Variants in MYO5B observed in about 807,000 individuals in gnomAD.
The protein encoded by MYO5B is myosin VB.
MYO5B carries 143 observed loss-of-function variants against 229.3 expected under a neutral mutation model. The observed-to-expected ratio is 0.62, with a 90% confidence interval of 0.54 to 0.72. The LOEUF (loss-of-function observed/expected upper bound fraction) is 0.72, where lower values mean the gene tolerates loss of function less well. MYO5B is among the 30% of genes least tolerant of loss of function. The pLI, the probability that MYO5B is intolerant of heterozygous loss-of-function variation, is 0.00. For synonymous variants in MYO5B, 918 were observed against 885.2 expected (o/e 1.04, Z -0.66); for missense variants, 2,321 against 2,331.0 (o/e 1.00, Z 0.09).
At chr18:49,973,522 G>A (rs17801555) in intron 10 of MYO5B, among the ~76,000 whole-genome samples, 9,099 of 152,274 alleles carry the variant, frequency 0.06, 424 homozygotes, top group East Asian at 0.21. Context: ...AGATCCAGGA[G>A]GATTTAGTCT....
chr18:49,948,310 T>C (rs995046555), intron 14 of MYO5B, among the ~76,000 whole-genome samples: 3 of 152,210 alleles, frequency 2.0e-5, no homozygotes, highest in Non-Finnish European at 4.4e-5. Flanking sequence ...TTTACATGAC[T>C]AATGGTACCC....
intron 1 of MYO5B, among the ~76,000 whole-genome samples, chr18:50,115,594 T>A (rs2031947984): frequency 6.6e-6 from 1 of 151,034 alleles, no homozygotes; most frequent in African/African-American, 2.4e-5. Context: ...AAACTGTCCC[T>A]ATCCTCAGAG....
At chr18:49,958,509 C>A (rs895579195) in intron 12 of MYO5B, among the ~76,000 whole-genome samples, 23 of 152,178 alleles carry the variant, frequency 1.5e-4, no homozygotes, top group African/African-American at 5.3e-4. Context: ...TGCAGAAACT[C>A]ATCTGCACCC....
chr18:50,105,252 A>T (rs192602054), intron 1 of MYO5B, among the ~76,000 whole-genome samples: 85 of 130,556 alleles, frequency 6.5e-4, no homozygotes, highest in African/African-American at 2.5e-3. Flanking sequence ...AATAAATAAA[A>T]AATAGATAAA....
At chr18:49,982,216 T>G (rs1228012794) in intron 8 of MYO5B, among the ~76,000 whole-genome samples, 1 of 152,154 alleles carries the variant, frequency 6.6e-6, no homozygotes, top group African/African-American at 2.4e-5. Context: ...GACAGGTGTG[T>G]GCCAACATGG....
intron 1 of MYO5B, among the ~76,000 whole-genome samples, chr18:50,078,133 C>T (rs981025060): frequency 2.0e-5 from 3 of 152,154 alleles, no homozygotes; most frequent in Non-Finnish European, 4.4e-5. Flanking sequence ...CACATAAAGC[C>T]TATAGCAGAG....
chr18:50,146,972 C>T (rs1242827544), intron 1 of MYO5B, among the ~76,000 whole-genome samples: 1 of 152,172 alleles, frequency 6.6e-6, no homozygotes, highest in African/African-American at 2.4e-5. Context: ...CAATCGCCCA[C>T]ATAAATTCTT....
intron 2 of MYO5B, among the ~76,000 whole-genome samples, chr18:50,052,450 C>T (rs1040659064): frequency 6.7e-6 from 1 of 148,562 alleles, no homozygotes; most frequent in African/African-American, 2.5e-5. Context: ...TAAACTATCA[C>T]AAGGACAAAA....
At position 49,864,016 on chromosome 18, in the gene MYO5B, C is replaced by T. The variant is rs949850224; in HGVS notation, c.3843+125G>A. The T allele has an allele frequency of 4.9e-6, 7 of 1,431,224 alleles. No homozygotes were observed. The Admixed American group carries it at 1.3e-4, about 27-fold the overall frequency. 88.7% of individuals were successfully genotyped at this position (1,431,224 alleles called of 1,614,324 possible). On this transcript the variant is annotated intron_variant, in intron 28 of 39. Coordinates refer to ENST00000285039, the MANE Select transcript of MYO5B (RefSeq NM_001080467.3). Reference sequence around the variant, plus strand: ...TTTGCTCTGCCTTTTTGGAGGAGACCCCACAGCGAGAGACTCTGCTCTTTC... The same window carrying T: ...TTTGCTCTGCCTTTTTGGAGGAGACTCCACAGCGAGAGACTCTGCTCTTTC...
At chr18:50,175,764 T>C (rs1462910131) in intron 1 of MYO5B, among the ~76,000 whole-genome samples, 2 of 152,246 alleles carry the variant, frequency 1.3e-5, no homozygotes, top group East Asian at 3.9e-4. Context: ...GCATCCTTGC[T>C]GGAAAGCACA....
At chr18:50,082,998 G>A (rs573175441) in intron 1 of MYO5B, among the ~76,000 whole-genome samples, 4 of 152,318 alleles carry the variant, frequency 2.6e-5, no homozygotes, top group African/African-American at 7.2e-5. Flanking sequence ...CCCACTGCCA[G>A]TGCCAAGTCT....
chr18:50,123,352 T>A (rs1026294538), intron 1 of MYO5B, among the ~76,000 whole-genome samples: 1 of 152,144 alleles, frequency 6.6e-6, no homozygotes, highest in Non-Finnish European at 1.5e-5. Context: ...GAGGGAGTGT[T>A]TGCACAACAT....
intron 1 of MYO5B, among the ~76,000 whole-genome samples, chr18:50,087,021 C>T (rs2031345009): frequency 6.6e-6 from 1 of 152,192 alleles, no homozygotes; most frequent in African/African-American, 2.4e-5. Context: ...ACAATAATAG[C>T]ACACCTGAAA....
intron 1 of MYO5B, among the ~76,000 whole-genome samples, chr18:50,137,672 A>G (rs982542101): frequency 2.0e-5 from 3 of 152,206 alleles, no homozygotes; most frequent in African/African-American, 7.2e-5. Flanking sequence ...CCATAAAGAC[A>G]CATGTACACC....
intron 1 of MYO5B, among the ~76,000 whole-genome samples, chr18:50,186,692 C>CA (rs2033154183): frequency 6.6e-6 from 1 of 152,162 alleles, no homozygotes; most frequent in African/African-American, 2.4e-5. Context: ...GAACAGTTGC[C>CA]AACACTATGT....
At chr18:49,902,100 C>A (rs973235764) in intron 21 of MYO5B, among the ~76,000 whole-genome samples, 2 of 152,206 alleles carry the variant, frequency 1.3e-5, no homozygotes, top group East Asian at 3.9e-4. Flanking sequence ...TAGCATAAAT[C>A]ATTATCTTAC....
At position 49,902,730 on chromosome 18, in the gene MYO5B, C is replaced by G; in HGVS notation, c.2675G>C (p.Cys892Ser). 6.2e-7 allele frequency: 1 copy of G among 1,610,162 alleles called. No homozygotes were observed. Among genetic ancestry groups the G allele is most frequent in the South Asian group, 1.1e-5 (1 of 91,088 alleles). The change falls in exon 21 of 40, where the codon TGT becomes TCT. Residue 892 changes from cysteine (C) to serine (S), a missense_variant. Coordinates refer to ENST00000285039, the MANE Select transcript of MYO5B (RefSeq NM_001080467.3). ...CCTGGCCTTGAGCATCCGGAAGGCA[C>G]ACTGGATGACAATGGCTGCATCCCG... Reference protein sequence around the residue: ...RLRDAAIVIQCAFRMLKARRE... With the variant: ...RLRDAAIVIQSAFRMLKARRE...
At chr18:50,140,191 C>G (rs190942648) in intron 1 of MYO5B, among the ~76,000 whole-genome samples, 3 of 152,310 alleles carry the variant, frequency 2.0e-5, no homozygotes, top group African/African-American at 7.2e-5. Context: ...GTTCTAGATA[C>G]CACATCTAAA....
intron 2 of MYO5B, 43 bp downstream of exon 2, chr18:50,055,225 G>GGGGC: frequency 1.4e-6 from 1 of 700,372 alleles, no homozygotes. Flanking sequence ...TGAGCTCCCT[G>GGGGC]CCCCACCTCA....
Sources: gnomAD v4.1 joint callset for allele counts (sites outside exome capture counted in the v4.1 genomes callset) on GRCh38, gnomAD v4.1.1 for gene constraint, MANE v1.5 for transcripts, NCBI Gene and HGNC (gene_info 2026-07-23, HGNC 2026-07-21) for gene names.